ATRNL1: variants seen among roughly 807,000 people sequenced by gnomAD.
The protein encoded by ATRNL1 is attractin like 1, also known as attractin-like protein 1.
ATRNL1 carries 95 observed loss-of-function variants against 182.7 expected under a neutral mutation model. That is an observed-to-expected ratio of 0.52 (90% CI 0.44 to 0.62). ATRNL1 has a LOEUF of 0.62. Among genes scored for constraint, ATRNL1 ranks in the 20% least tolerant of loss-of-function variants. The pLI, the probability that ATRNL1 is intolerant of heterozygous loss-of-function variation, is 0.00. For synonymous variants in ATRNL1, 576 were observed against 568.3 expected (o/e 1.01, Z -0.19); for missense variants, 1,471 against 1,679.5 (o/e 0.88, Z 2.17).
In ATRNL1 at chr10:115,652,313, A is replaced by T. The variant is rs143260459; in HGVS notation, c.3796-74935A>T. 6.2e-4 allele frequency among the ~76,000 whole-genome samples: 95 copies of T among 152,098 alleles called. 1 individual carries two copies. The South Asian group carries it at 1.0e-2, about 16-fold the overall frequency. ...TTTTGTATTTTTCTCATTATGTTTG[A>T]GATGACAAAATCATTCATCATTCTC... On this transcript the variant is annotated intron_variant, in intron 26 of 28. Transcript: ENST00000355044.
chr10:115,387,810 A>C (rs1181625187), intron 19 of ATRNL1, among the ~76,000 whole-genome samples: 2 of 152,038 alleles, frequency 1.3e-5, no homozygotes, highest in Non-Finnish European at 2.9e-5. Context: ...TGGATATTTT[A>C]TCATTTATAA....
chr10:115,264,648 A>G (rs979644459), intron 10 of ATRNL1, among the ~76,000 whole-genome samples: 17 of 151,474 alleles, frequency 1.1e-4, no homozygotes, highest in African/African-American at 4.1e-4. Context: ...TTCATTTTTT[A>G]TCTAGAAGTT....
At position 115,862,381 on chromosome 10, in the gene ATRNL1, C is replaced by T. The variant is rs1589617687; in HGVS notation, c.4018+14390C>T. Among the ~76,000 whole-genome samples, 7 of 152,292 alleles carry T rather than the reference C, an allele frequency of 4.6e-5. No homozygotes were observed. In the South Asian group the frequency reaches 1.0e-3, roughly 23 times the overall value. On this transcript the variant is annotated intron_variant, in intron 28 of 28. Transcript: ENST00000355044. Reference sequence around the variant, plus strand: ...ATGCTTCAGAATCATCATGTTTTGTCAGCTTCTTAGGTGACTTATAGTCTT... The same window carrying T: ...ATGCTTCAGAATCATCATGTTTTGTTAGCTTCTTAGGTGACTTATAGTCTT...
At chr10:115,790,205 C>T (rs1226176528) in intron 27 of ATRNL1, among the ~76,000 whole-genome samples, 1 of 151,564 alleles carries the variant, frequency 6.6e-6, no homozygotes, top group Non-Finnish European at 1.5e-5. Context: ...CAAGTGGTCA[C>T]CCAGCCTCTA....
At chr10:115,772,593 C>CTATGTGTGTG (rs1555076680) in intron 27 of ATRNL1, among the ~76,000 whole-genome samples, 2 of 125,620 alleles carry the variant, frequency 1.6e-5, no homozygotes, top group Admixed American at 1.6e-4. Context: ...AATATATACT[C>CTATGTGTGTG]TGTCTGTGTG....
At chr10:115,668,611 T>A (rs1593039168) in intron 26 of ATRNL1, among the ~76,000 whole-genome samples, 1 of 152,182 alleles carries the variant, frequency 6.6e-6, no homozygotes, top group African/African-American at 2.4e-5. Flanking sequence ...CTACAGTCTT[T>A]AACTGTATGA....
chr10:115,932,097 T>C (rs1320135695), intron 28 of ATRNL1, among the ~76,000 whole-genome samples: 1 of 152,172 alleles, frequency 6.6e-6, no homozygotes, highest in African/African-American at 2.4e-5. Context: ...CTTTGATTGC[T>C]CCCAAAGGCA....
chr10:115,248,259 A>T (rs1850728869), intron 10 of ATRNL1, among the ~76,000 whole-genome samples: 1 of 152,222 alleles, frequency 6.6e-6, no homozygotes, highest in Admixed American at 6.5e-5. Context: ...CATTATATGT[A>T]TTGAAGCATC....
At chr10:115,622,858 C>T (rs1377857252) in intron 26 of ATRNL1, among the ~76,000 whole-genome samples, 4 of 151,718 alleles carry the variant, frequency 2.6e-5, no homozygotes, top group Non-Finnish European at 2.9e-5. Context: ...ACCCGGGAGG[C>T]GGAGCTTGCA....
At chr10:115,555,249 T>C (rs782513678) in intron 26 of ATRNL1, among the ~76,000 whole-genome samples, 2 of 151,772 alleles carry the variant, frequency 1.3e-5, no homozygotes, top group African/African-American at 2.4e-5. Flanking sequence ...GTTTTCAAAA[T>C]AAGGGGGAGT....
chr10:115,275,957 C>T (rs746964935), intron 13 of ATRNL1, among the ~76,000 whole-genome samples: 1 of 152,202 alleles, frequency 6.6e-6, no homozygotes, highest in African/African-American at 2.4e-5. Context: ...CAAGCTATAA[C>T]ATCAAATGTA....
chr10:115,871,441 C>T (rs915408706), intron 28 of ATRNL1, among the ~76,000 whole-genome samples: 16 of 144,104 alleles, frequency 1.1e-4, no homozygotes, highest in East Asian at 4.1e-4. Context: ...TTGACAGTAC[C>T]GGTCCTAGAA....
intron 24 of ATRNL1, among the ~76,000 whole-genome samples, chr10:115,486,635 A>G (rs1554975205): frequency 6.6e-6 from 1 of 151,844 alleles, no homozygotes; most frequent in Admixed American, 6.6e-5. Flanking sequence ...TGTAGTCTGG[A>G]TATTAGCCCT....
intron 27 of ATRNL1, among the ~76,000 whole-genome samples, chr10:115,806,510 T>G (rs1169053977): frequency 6.6e-6 from 1 of 152,188 alleles, no homozygotes; most frequent in Non-Finnish European, 1.5e-5. Context: ...TCACTAAAAT[T>G]CATCAGAATA....
chr10:115,465,607 T>C (rs1554970630), intron 22 of ATRNL1, among the ~76,000 whole-genome samples: 2 of 94,342 alleles, frequency 2.1e-5, no homozygotes, highest in Admixed American at 9.3e-5. Context: ...TGATAATCAA[T>C]AGAAAATAAG....
intron 25 of ATRNL1, among the ~76,000 whole-genome samples, chr10:115,530,118 C>CTACT: frequency 6.6e-6 from 1 of 151,920 alleles, no homozygotes; most frequent in Non-Finnish European, 1.5e-5. Flanking sequence ...TTTTATTTCT[C>CTACT]TATTAGTTGA....
chr10:115,223,911 G>GTATA (rs782032076), intron 9 of ATRNL1, among the ~76,000 whole-genome samples: 37 of 58,024 alleles, frequency 6.4e-4, no homozygotes, highest in African/African-American at 2.4e-3. Flanking sequence ...GTGTGTGTGT[G>GTATA]TGTATATATA....
intron 13 of ATRNL1, among the ~76,000 whole-genome samples, chr10:115,274,178 T>C (rs1851999501): frequency 1.3e-5 from 2 of 152,184 alleles, no homozygotes; most frequent in Admixed American, 1.3e-4. Context: ...TCACGTACCA[T>C]TGCACCTGCA....
At chr10:115,521,798 T>TA (rs1850949946) in intron 25 of ATRNL1, among the ~76,000 whole-genome samples, 1 of 152,168 alleles carries the variant, frequency 6.6e-6, no homozygotes, top group African/African-American at 2.4e-5. Context: ...TTAGATCACT[T>TA]AAAAAACTGG....
Sources: allele counts gnomAD v4.1 joint callset (sites outside exome capture counted in the v4.1 genomes callset), GRCh38; gene constraint gnomAD v4.1.1; transcripts MANE v1.5; gene names NCBI Gene and HGNC (gene_info 2026-07-23, HGNC 2026-07-21).